IL1R1: variants seen among roughly 807,000 people sequenced by gnomAD.
IL1R1 encodes interleukin 1 receptor type 1.
Under a neutral mutation model 50.2 loss-of-function variants are expected in IL1R1, and 22 were observed. That is an observed-to-expected ratio of 0.44 (90% CI 0.31 to 0.63). The LOEUF is 0.63. IL1R1 is among the 20% of genes least tolerant of loss of function. The pLI is 0.07. For synonymous variants in IL1R1, 251 were observed against 236.7 expected, an observed-to-expected ratio of 1.06 and a Z score of -0.55; for missense variants, 509 against 676.2, an observed-to-expected ratio of 0.75 and a Z score of 2.74.
upstream of IL1R1, among the ~76,000 whole-genome samples, chr2:102,099,927 A>G (rs1279627750): frequency 6.6e-6 from 1 of 152,032 alleles, no homozygotes; most frequent in African/African-American, 2.4e-5. Flanking sequence ...TGGGACCCTG[A>G]TTTGCTCTCT....
At chr2:102,103,478 C>T (rs575397698), upstream of IL1R1, among the ~76,000 whole-genome samples, 11 of 152,226 alleles carry the variant, frequency 7.2e-5, no homozygotes, top group African/African-American at 1.9e-4. Flanking sequence ...GGTCAGCAGG[C>T]GGCCCATCCA....
chr2:102,094,359 G>A (rs1002666035), intron 1 of IL1R1, among the ~76,000 whole-genome samples: 1 of 152,166 alleles, frequency 6.6e-6, no homozygotes, highest in Non-Finnish European at 1.5e-5. Flanking sequence ...TTAAATTACA[G>A]TATCAGAGAA....
At chr2:102,153,413 T>A (rs2104506172) in intron 1 of IL1R1, among the ~76,000 whole-genome samples, 1 of 152,330 alleles carries the variant, frequency 6.6e-6, no homozygotes, top group Admixed American at 6.5e-5. Flanking sequence ...TTCCTGAAAG[T>A]ATCCTTTCCC....
At position 102,171,791 on chromosome 2, in the gene IL1R1, T is replaced by C. The variant is rs1268768322; in HGVS notation, c.722-10T>C. The C allele has an allele frequency of 6.7e-7, 1 of 1,491,136 alleles. No individual in the cohort carries two copies. Among genetic ancestry groups the C allele is most frequent in the South Asian group, 1.2e-5 (1 of 86,292 alleles). 92.4% of individuals were successfully genotyped at this position (1,491,136 alleles called of 1,614,324 possible). A position where few individuals can be genotyped will look rare whatever the true frequency, so the allele number is the denominator to read the frequency against. ...AATTAATGTTAAGATTAAAAATACATTCTTTGCAGGATCCCAGATACAATT... is the reference window on the plus strand; with the variant it reads ...AATTAATGTTAAGATTAAAAATACACTCTTTGCAGGATCCCAGATACAATT... On this transcript the variant is annotated splice_polypyrimidine_tract_variant and intron_variant, in intron 7 of 11. Transcript: ENST00000410023.
At chr2:102,091,376 T>C (rs1679659980) in intron 1 of IL1R1, among the ~76,000 whole-genome samples, 1 of 152,228 alleles carries the variant, frequency 6.6e-6, no homozygotes, top group Non-Finnish European at 1.5e-5. Flanking sequence ...TTATTGGCCA[T>C]TATCCTTTGA....
chr2:102,158,235 C>G (rs1391372868), intron 3 of IL1R1, among the ~76,000 whole-genome samples: 3 of 152,108 alleles, frequency 2.0e-5, no homozygotes, highest in African/African-American at 4.8e-5. Flanking sequence ...CTAATCTTTT[C>G]TCTTTTTGCC....
intron 1 of IL1R1, among the ~76,000 whole-genome samples, chr2:102,088,273 A>G (rs1679512304): frequency 6.6e-6 from 1 of 152,246 alleles, no homozygotes; most frequent in African/African-American, 2.4e-5. Flanking sequence ...TTCTTAAATA[A>G]TAAGAATTGA....
At chr2:102,107,393 C>A (rs189148888) in intron 1 of IL1R1, among the ~76,000 whole-genome samples, 14 of 149,832 alleles carry the variant, frequency 9.3e-5, no homozygotes, top group African/African-American at 3.4e-4. Context: ...ATCACAAGGA[C>A]AGAAAACCAA....
chr2:102,087,469 G>A (rs955618713), intron 1 of IL1R1, among the ~76,000 whole-genome samples: 1 of 152,164 alleles, frequency 6.6e-6, no homozygotes, highest in East Asian at 1.9e-4. Context: ...ATTCAGTTTA[G>A]GTAATATTCA....
At chr2:102,086,896 T>C (rs999867963) in intron 1 of IL1R1, among the ~76,000 whole-genome samples, 2 of 152,218 alleles carry the variant, frequency 1.3e-5, no homozygotes, top group Admixed American at 6.5e-5. Flanking sequence ...GAAGCCCATA[T>C]TTTTTAAGAT....
chr2:102,164,197 C>A (rs767788761), intron 3 of IL1R1, among the ~76,000 whole-genome samples: 1 of 152,002 alleles, frequency 6.6e-6, no homozygotes, highest in Non-Finnish European at 1.5e-5. Context: ...TTCTGCGTGT[C>A]GTTATGCAGC....
chr2:102,098,026 A>G (rs1331476251), intron 1 of IL1R1, among the ~76,000 whole-genome samples: 2 of 152,146 alleles, frequency 1.3e-5, no homozygotes, highest in Non-Finnish European at 2.9e-5. Flanking sequence ...AAATAAAATT[A>G]TCAGTGTATA....
chr2:102,102,541 T>A (rs766067764), upstream of IL1R1, among the ~76,000 whole-genome samples: 4 of 152,136 alleles, frequency 2.6e-5, no homozygotes, highest in African/African-American at 7.2e-5. Flanking sequence ...GAAAAGGGAA[T>A]GCTTATATTC....
At chr2:102,107,171 G>A (rs1476227990) in intron 1 of IL1R1, among the ~76,000 whole-genome samples, 2 of 152,098 alleles carry the variant, frequency 1.3e-5, no homozygotes, top group Non-Finnish European at 2.9e-5. Flanking sequence ...TTTTTGAAAA[G>A]TGTGCTACTC....
At chr2:102,146,785 T>G (rs1009486660) in intron 1 of IL1R1, among the ~76,000 whole-genome samples, 8 of 152,230 alleles carry the variant, frequency 5.3e-5, no homozygotes, top group African/African-American at 1.9e-4. Context: ...CTGGAGGTCA[T>G]GCAGGACAAG....
chr2:102,157,850 T>A, intron 3 of IL1R1, 65 bp downstream of exon 3: 2 of 1,039,916 alleles, frequency 1.9e-6, no homozygotes, highest in Non-Finnish European at 1.5e-6. Flanking sequence ...ATACATGAAG[T>A]ACCTTCCCTA....
chr2:102,118,821 T>G (rs568861168), intron 1 of IL1R1, among the ~76,000 whole-genome samples: 69 of 152,006 alleles, frequency 4.5e-4, no homozygotes, highest in Middle Eastern at 3.4e-3. Flanking sequence ...ATCAAGACCA[T>G]CCCGGCTAAC....
At chr2:102,073,460 G>GA (rs1678827927) in intron 1 of IL1R1, among the ~76,000 whole-genome samples, 1 of 152,162 alleles carries the variant, frequency 6.6e-6, no homozygotes, top group South Asian at 2.1e-4. Context: ...ATTTGCCTCT[G>GA]AAAAATCTCA....
At chr2:102,084,044 C>T (rs1054752628) in intron 1 of IL1R1, among the ~76,000 whole-genome samples, 19 of 152,036 alleles carry the variant, frequency 1.2e-4, no homozygotes, top group Non-Finnish European at 2.5e-4. Flanking sequence ...GGCCTCATAG[C>T]GACTCTGAAT....
Sources: allele counts gnomAD v4.1 joint callset (sites outside exome capture counted in the v4.1 genomes callset), GRCh38; gene constraint gnomAD v4.1.1; transcripts MANE v1.5; gene names NCBI Gene and HGNC (gene_info 2026-07-23, HGNC 2026-07-21).